The following CNTN5 variants were observed in gnomAD, a reference collection of about 807,000 sequenced individuals.
The protein encoded by CNTN5 is contactin 5, also known as contactin-5.
CNTN5 carries 77 observed loss-of-function variants against 129.1 expected under a neutral mutation model. That is an observed-to-expected ratio of 0.60 (90% CI 0.50 to 0.72). The LOEUF (loss-of-function observed/expected upper bound fraction) is 0.72, where lower values mean the gene tolerates loss of function less well. CNTN5 is among the 30% of genes least tolerant of loss of function. CNTN5 has a pLI of 0.00. For synonymous variants in CNTN5, 509 were observed against 465.6 expected (o/e 1.09, Z -1.20); for missense variants, 1,478 against 1,328.8 (o/e 1.11, Z -1.75).
At chr11:100,113,417 CAAAAAAAAAAAAAAAAAAAAAAAAA>C (rs555286793) in intron 13 of CNTN5, among the ~76,000 whole-genome samples, 2 of 16,774 alleles carry the variant, frequency 1.2e-4, no homozygotes, top group African/African-American at 3.9e-4. Flanking sequence ...GATGCCATGC[CAAAAAAAAAAAAAAAAAAAAAAAAA>C]AAAAAAAAAA....
chr11:99,540,166 C>A (rs556492253), intron 2 of CNTN5, among the ~76,000 whole-genome samples: 1 of 152,122 alleles, frequency 6.6e-6, no homozygotes, highest in African/African-American at 2.4e-5. Flanking sequence ...GAGTAAGAAG[C>A]TTCTATATTG....
At chr11:100,124,491 T>C (rs2138179167) in intron 13 of CNTN5, among the ~76,000 whole-genome samples, 1 of 151,980 alleles carries the variant, frequency 6.6e-6, no homozygotes, top group South Asian at 2.1e-4. Context: ...GAAATAAAGA[T>C]GAGAGGCAGG....
At position 99,872,539 on chromosome 11, in the gene CNTN5, C is replaced by T. The variant is rs943862923; in HGVS notation, c.577+27277C>T. Among the ~76,000 whole-genome samples the T allele has an allele frequency of 2.0e-5, 3 of 152,024 alleles. No individual in the cohort carries two copies. In the East Asian group the frequency reaches 5.8e-4, roughly 29 times the overall value. On this transcript the variant is annotated intron_variant, in intron 6 of 24. Transcript: ENST00000524871. ...GTGAAAGAATTACAATTGAAGATAC[C>T]CTGCAGAAGAGAAAAGAAAAGTCCT...
chr11:99,237,731 T>C (rs1233579902), intron 1 of CNTN5, among the ~76,000 whole-genome samples: 1 of 152,212 alleles, frequency 6.6e-6, no homozygotes, highest in Non-Finnish European at 1.5e-5. Flanking sequence ...GCCAGATACT[T>C]CAATCAAAAA....
chr11:99,249,810 T>C (rs1862009148), intron 1 of CNTN5, among the ~76,000 whole-genome samples: 1 of 152,096 alleles, frequency 6.6e-6, no homozygotes, highest in Admixed American at 6.6e-5. Flanking sequence ...TAAATACAAT[T>C]TCTTTAGTGT....
At chr11:99,837,319 ACTT>A (rs1341851320) in intron 4 of CNTN5, among the ~76,000 whole-genome samples, 1 of 152,168 alleles carries the variant, frequency 6.6e-6, no homozygotes, top group African/African-American at 2.4e-5. Context: ...ATAACAAATT[ACTT>A]CTTAACACAT....
chr11:100,332,359 A>G (rs1017198561), intron 21 of CNTN5, among the ~76,000 whole-genome samples: 2 of 152,146 alleles, frequency 1.3e-5, no homozygotes, highest in African/African-American at 4.8e-5. Flanking sequence ...GCCAACAAAA[A>G]AAAAGTCGAG....
At chr11:100,115,017 C>T (rs966660042) in intron 13 of CNTN5, among the ~76,000 whole-genome samples, 6 of 147,184 alleles carry the variant, frequency 4.1e-5, no homozygotes, top group South Asian at 2.2e-4. Flanking sequence ...CACCATTAGT[C>T]TTCACCACCA....
intron 2 of CNTN5, among the ~76,000 whole-genome samples, chr11:99,555,160 A>G (rs145843663): frequency 7.7e-4 from 117 of 152,162 alleles, no homozygotes; most frequent in African/African-American, 2.6e-3. Flanking sequence ...AGGGGAAAAA[A>G]TACGTGTCTA....
intron 3 of CNTN5, among the ~76,000 whole-genome samples, chr11:99,746,318 A>G (rs1036303933): frequency 4.6e-5 from 7 of 152,150 alleles, no homozygotes. Context: ...CCCAACAAAA[A>G]TTGAAGAGAC....
chr11:100,246,869 A>G (rs1326297116), intron 16 of CNTN5, among the ~76,000 whole-genome samples: 1 of 152,180 alleles, frequency 6.6e-6, no homozygotes, highest in Non-Finnish European at 1.5e-5. Flanking sequence ...TTATAAATCT[A>G]TTTCATAACA....
At chr11:99,328,754 C>T (rs889329298) in intron 2 of CNTN5, among the ~76,000 whole-genome samples, 2 of 151,114 alleles carry the variant, frequency 1.3e-5, no homozygotes, top group Non-Finnish European at 2.9e-5. Flanking sequence ...TGTGTAATCC[C>T]AGCTACTCAG....
At chr11:99,631,034 A>G (rs536758064) in intron 3 of CNTN5, among the ~76,000 whole-genome samples, 10 of 152,274 alleles carry the variant, frequency 6.6e-5, no homozygotes, top group Non-Finnish European at 1.2e-4. Flanking sequence ...CTAAAAACAC[A>G]AAATACTTTT....
chr11:99,548,560 C>T (rs1948376285), intron 2 of CNTN5, among the ~76,000 whole-genome samples: 1 of 152,140 alleles, frequency 6.6e-6, no homozygotes, highest in East Asian at 1.9e-4. Context: ...GGAAGGTTTC[C>T]AAGTTAAGTT....
intron 6 of CNTN5, among the ~76,000 whole-genome samples, chr11:99,892,202 G>A (rs1949079444): frequency 6.6e-6 from 1 of 152,042 alleles, no homozygotes; most frequent in Non-Finnish European, 1.5e-5. Context: ...AATTTGTTAA[G>A]TTCTTTGTAA....
At chr11:99,571,093 A>G (rs1279524475) in intron 3 of CNTN5, among the ~76,000 whole-genome samples, 1 of 152,186 alleles carries the variant, frequency 6.6e-6, no homozygotes. Flanking sequence ...GAGGAGAGGT[A>G]TAAGTTAATA....
intron 3 of CNTN5, among the ~76,000 whole-genome samples, chr11:99,772,071 AT>A (rs5794020): frequency 0.73 from 108,037 of 148,560 alleles, 40,022 homozygotes; most frequent in East Asian, 0.94. Context: ...CTTCTGAGGT[AT>A]TTTTTTTTTT....
At chr11:99,843,324 A>G (rs2135687680) in intron 4 of CNTN5, among the ~76,000 whole-genome samples, 1 of 152,344 alleles carries the variant, frequency 6.6e-6, no homozygotes, top group Non-Finnish European at 1.5e-5. Context: ...TTGGTTTAGA[A>G]TACTGTGAAA....
At chr11:99,624,494 T>A (rs1487647696) in intron 3 of CNTN5, among the ~76,000 whole-genome samples, 1 of 152,114 alleles carries the variant, frequency 6.6e-6, no homozygotes, top group African/African-American at 2.4e-5. Flanking sequence ...TAATCCTCCT[T>A]ATCAGATGAG....
Sources: gnomAD v4.1 joint callset for allele counts (sites outside exome capture counted in the v4.1 genomes callset) on GRCh38, gnomAD v4.1.1 for gene constraint, MANE v1.5 for transcripts, NCBI Gene and HGNC (gene_info 2026-07-23, HGNC 2026-07-21) for gene names.